Variants in SOX6 observed in about 807,000 individuals in gnomAD.
The protein encoded by SOX6 is SRY-box transcription factor 6, also known as transcription factor SOX-6.
SOX6 carries 11 observed loss-of-function variants against 97.8 expected under a neutral mutation model. The observed-to-expected ratio is 0.11, with a 90% confidence interval of 0.07 to 0.19. The LOEUF (loss-of-function observed/expected upper bound fraction) is 0.19. Ranked by LOEUF, SOX6 falls within the 10% of genes least tolerant of loss-of-function variation. The probability of loss-of-function intolerance (pLI) is 1.00; values close to 1 mark genes in which losing one functional copy is unlikely to be tolerated. For synonymous variants in SOX6, 360 were observed against 371.4 expected, an observed-to-expected ratio of 0.97 and a Z score of 0.35; for missense variants, 810 against 1,039.5, an observed-to-expected ratio of 0.78 and a Z score of 3.04.
At chr11:16,389,919 G>C (rs948969856) in intron 1 of SOX6, among the ~76,000 whole-genome samples, 2 of 136,764 alleles carry the variant, frequency 1.5e-5, no homozygotes, top group African/African-American at 5.6e-5. Flanking sequence ...GCAGTGAGCC[G>C]AGATGGCGCC....
chr11:16,062,710 T>C (rs1156475906), intron 9 of SOX6, among the ~76,000 whole-genome samples: 1 of 151,798 alleles, frequency 6.6e-6, no homozygotes, highest in Non-Finnish European at 1.5e-5. Flanking sequence ...TTTTCAAAAT[T>C]ATAAAATTAC....
At chr11:15,980,987 C>T (rs776257911) in intron 15 of SOX6, among the ~76,000 whole-genome samples, 1 of 152,024 alleles carries the variant, frequency 6.6e-6, no homozygotes, top group Non-Finnish European at 1.5e-5. Context: ...GCCTCATGTA[C>T]CATATTAATT....
At chr11:16,117,696 C>T (rs1849387325) in intron 6 of SOX6, among the ~76,000 whole-genome samples, 1 of 152,156 alleles carries the variant, frequency 6.6e-6, no homozygotes, top group African/African-American at 2.4e-5. Flanking sequence ...AGTCACTGCA[C>T]TGAGTGCCAG....
Position 16,081,679 on chromosome 11 carries a change from C to T in SOX6, c.1101+14317G>A, listed in dbSNP as rs540441673. On this transcript the variant is annotated intron_variant, in intron 9 of 15. Coordinates refer to ENST00000683767, the MANE Select transcript of SOX6 (RefSeq NM_001367873.1). Reference sequence around the variant, plus strand: ...AAATCAGCACTTCTTTCTGTCACTTCTTATGTGTTTTACTATAATTTACAG... The same window carrying T: ...AAATCAGCACTTCTTTCTGTCACTTTTTATGTGTTTTACTATAATTTACAG... Among the ~76,000 whole-genome samples the T allele has an allele frequency of 2.6e-5, 4 of 152,202 alleles. No homozygotes were observed. In the East Asian group the frequency reaches 7.7e-4, roughly 29 times the overall value.
At chr11:16,212,549 T>C (rs192748043) in intron 4 of SOX6, among the ~76,000 whole-genome samples, 236 of 152,296 alleles carry the variant, frequency 1.5e-3, no homozygotes, top group African/African-American at 4.6e-3. Flanking sequence ...AACAATGCTA[T>C]AATGAACATT....
At chr11:16,664,153 C>A (rs1166870755) in intron 3 of SOX6, among the ~76,000 whole-genome samples, 2 of 152,188 alleles carry the variant, frequency 1.3e-5, no homozygotes, top group Non-Finnish European at 2.9e-5. Flanking sequence ...GAAGCCTCCA[C>A]TCTTCATCCT....
intron 3 of SOX6, among the ~76,000 whole-genome samples, chr11:16,247,994 G>A (rs2134194635): frequency 6.6e-6 from 1 of 152,250 alleles, no homozygotes; most frequent in African/African-American, 2.4e-5. Context: ...CAGACATTGG[G>A]TAAATACACC....
intron 1 of SOX6, among the ~76,000 whole-genome samples, chr11:16,344,510 C>G (rs1357486618): frequency 1.3e-5 from 2 of 151,860 alleles, no homozygotes; most frequent in African/African-American, 4.8e-5. Flanking sequence ...AATGCCTTTA[C>G]TATAACCACT....
intron 1 of SOX6, among the ~76,000 whole-genome samples, chr11:16,443,451 T>C (rs1859548388): frequency 6.6e-6 from 1 of 152,222 alleles, no homozygotes; most frequent in African/African-American, 2.4e-5. Flanking sequence ...TAATATTTAT[T>C]TAGCACCTGT....
chr11:16,222,404 G>C (rs943316648), intron 4 of SOX6, among the ~76,000 whole-genome samples: 3 of 151,922 alleles, frequency 2.0e-5, no homozygotes, highest in Non-Finnish European at 4.4e-5. Context: ...TGTAGAGATG[G>C]GGTCTTGCTA....
At chr11:16,527,119 G>A (rs1236934202) in intron 4 of SOX6, among the ~76,000 whole-genome samples, 1 of 151,912 alleles carries the variant, frequency 6.6e-6, no homozygotes, top group Non-Finnish European at 1.5e-5. Flanking sequence ...ATCCTGACTG[G>A]CATCTCAGTT....
intron 13 of SOX6, among the ~76,000 whole-genome samples, chr11:16,004,607 A>G (rs1289486024): frequency 1.3e-5 from 2 of 152,064 alleles, no homozygotes; most frequent in Admixed American, 1.3e-4. Flanking sequence ...CACCCCGAGA[A>G]CTGGTGAAAG....
intron 1 of SOX6, among the ~76,000 whole-genome samples, chr11:16,464,232 T>C (rs762796497): frequency 6.6e-6 from 1 of 152,168 alleles, no homozygotes; most frequent in East Asian, 1.9e-4. Context: ...CCTATCTTCA[T>C]CACCCCCAAA....
chr11:16,515,644 T>A (rs1236872611), intron 4 of SOX6, among the ~76,000 whole-genome samples: 44 of 102,376 alleles, frequency 4.3e-4, no homozygotes, highest in East Asian at 2.3e-3. Context: ...CTGAATGGTA[T>A]TGCCTAGGTT....
At chr11:16,257,588 C>A (rs1853732359) in intron 3 of SOX6, among the ~76,000 whole-genome samples, 1 of 151,726 alleles carries the variant, frequency 6.6e-6, no homozygotes, top group Admixed American at 6.6e-5. Context: ...ATGTAAAACA[C>A]AAAACTAAAA....
chr11:16,053,594 T>C (rs7947337), intron 10 of SOX6, among the ~76,000 whole-genome samples: 16,096 of 152,126 alleles, frequency 0.11, 1,750 homozygotes, highest in East Asian at 0.37. Context: ...AGACACTAAG[T>C]GGCTTGGCCA....
At chr11:16,642,359 T>G (rs1318845401) in intron 3 of SOX6, among the ~76,000 whole-genome samples, 1 of 152,192 alleles carries the variant, frequency 6.6e-6, no homozygotes, top group Non-Finnish European at 1.5e-5. Context: ...ATTTTTTCCT[T>G]CATTTCAACT....
intron 3 of SOX6, among the ~76,000 whole-genome samples, chr11:16,297,648 T>G (rs1216421074): frequency 6.6e-6 from 1 of 152,170 alleles, no homozygotes; most frequent in East Asian, 1.9e-4. Flanking sequence ...GACAGACCAC[T>G]GCACTACTCT....
At chr11:16,295,877 A>T (rs1367808374) in intron 3 of SOX6, among the ~76,000 whole-genome samples, 1 of 152,120 alleles carries the variant, frequency 6.6e-6, no homozygotes, top group Non-Finnish European at 1.5e-5. Context: ...GCTGAAATTC[A>T]AACTTCATTA....
Sources: gnomAD v4.1 joint callset for allele counts (sites outside exome capture counted in the v4.1 genomes callset) on GRCh38, gnomAD v4.1.1 for gene constraint, MANE v1.5 for transcripts, NCBI Gene and HGNC (gene_info 2026-07-23, HGNC 2026-07-21) for gene names.